PCCA: variants seen among roughly 807,000 people sequenced by gnomAD.
PCCA encodes propionyl-CoA carboxylase alpha chain, mitochondrial.
In PCCA, 74 loss-of-function variants were observed where a neutral mutation model predicts 101.3. The ratio of observed to expected loss-of-function variants is 0.73; its 90% CI spans 0.61 to 0.89. PCCA has a LOEUF of 0.89. Among genes scored for constraint, PCCA ranks in the 40% least tolerant of loss-of-function variants. The probability of loss-of-function intolerance (pLI) is 0.00; values close to 1 mark genes in which losing one functional copy is unlikely to be tolerated. For synonymous variants in PCCA, 294 were observed against 313.6 expected (o/e 0.94, Z 0.66); for missense variants, 891 against 907.0 (o/e 0.98, Z 0.23).
chr13:100,169,005 C>T (rs1195387562), intron 6 of PCCA, among the ~76,000 whole-genome samples: 1 of 152,136 alleles, frequency 6.6e-6, no homozygotes, highest in East Asian at 1.9e-4. Flanking sequence ...GTTTTACAGA[C>T]TGACATTCTA....
At chr13:100,262,260 G>A (rs1445604661) in intron 9 of PCCA, among the ~76,000 whole-genome samples, 4 of 151,992 alleles carry the variant, frequency 2.6e-5, no homozygotes, top group Non-Finnish European at 5.9e-5. Flanking sequence ...GGGCGTGGTG[G>A]CACACACCTG....
At chr13:100,100,073 T>C (rs902848937) in intron 1 of PCCA, among the ~76,000 whole-genome samples, 3 of 152,208 alleles carry the variant, frequency 2.0e-5, no homozygotes, top group Non-Finnish European at 2.9e-5. Flanking sequence ...TTTGGCACTT[T>C]ACTGTTTATA....
chr13:100,311,217 A>T (rs776401810), intron 16 of PCCA, among the ~76,000 whole-genome samples: 7 of 151,220 alleles, frequency 4.6e-5, no homozygotes, highest in Non-Finnish European at 7.4e-5. Flanking sequence ...TAGGTGACAG[A>T]GTGAGAGTCC....
At chr13:100,234,226 A>G (rs2060650780) in intron 7 of PCCA, among the ~76,000 whole-genome samples, 1 of 152,206 alleles carries the variant, frequency 6.6e-6, no homozygotes, top group African/African-American at 2.4e-5. Context: ...AATAACTGTC[A>G]CTGGCTGGAA....
At chr13:100,514,018 C>T (rs971972449) in intron 21 of PCCA, among the ~76,000 whole-genome samples, 1 of 152,336 alleles carries the variant, frequency 6.6e-6, no homozygotes, top group Middle Eastern at 3.4e-3. Context: ...AATAGTCCCT[C>T]TGCCCAGAAT....
chr13:100,146,588 A>G (rs922911770), intron 4 of PCCA, among the ~76,000 whole-genome samples: 1 of 152,000 alleles, frequency 6.6e-6, no homozygotes, highest in Non-Finnish European at 1.5e-5. Flanking sequence ...AAAAAAAAAA[A>G]ATGGTTAATA....
chr13:100,384,890 C>G (rs2076416342), intron 19 of PCCA, among the ~76,000 whole-genome samples: 1 of 151,958 alleles, frequency 6.6e-6, no homozygotes. Context: ...TAATAAAGGA[C>G]TATAATTCTA....
At chr13:100,107,870 T>G (rs1441949897) in intron 2 of PCCA, among the ~76,000 whole-genome samples, 1 of 152,226 alleles carries the variant, frequency 6.6e-6, no homozygotes, top group African/African-American at 2.4e-5. Flanking sequence ...TGTCGGCTGC[T>G]TAATGTCCTT....
chr13:100,349,935 G>C (rs2073056987), intron 18 of PCCA, among the ~76,000 whole-genome samples: 1 of 152,150 alleles, frequency 6.6e-6, no homozygotes, highest in African/African-American at 2.4e-5. Context: ...ATAAAATGGA[G>C]AATCGATTTT....
In PCCA at chr13:100,261,955, G is replaced by A. The variant is rs140411916; in HGVS notation, c.717-774G>A. 1.0e-2 allele frequency among the ~76,000 whole-genome samples: 1,521 copies of A among 152,200 alleles called. 78 individuals are homozygous for A. Among genetic ancestry groups the A allele is most frequent in the Admixed American group, 0.087 (1,324 of 15,300 alleles). On this transcript the variant is annotated intron_variant, in intron 9 of 23. Transcript: ENST00000376285. The stretch of plus-strand genomic sequence containing the variant: ...CTGTAGTTCCACTCCAGTCATGCAG[G>A]TGACTAGACCCTTTACATTTTTCTT...
chr13:100,192,115 C>T (rs1369492785), intron 6 of PCCA, among the ~76,000 whole-genome samples: 1 of 152,134 alleles, frequency 6.6e-6, no homozygotes, highest in Admixed American at 6.5e-5. Context: ...ATTATTTATG[C>T]AGTTGATAAT....
At position 100,281,115 on chromosome 13, in the gene PCCA, C is replaced by A. The variant is rs1156403637; in HGVS notation, c.1065+7769C>A. On this transcript the variant is annotated intron_variant, in intron 12 of 23. Transcript: ENST00000376285. ...CTACTTTATTTCATAATGGCCCCAG[C>A]ATACAAGAGTAGTGTTGCTGGCAAT... Among the ~76,000 whole-genome samples, 3 of 152,172 alleles carry A rather than the reference C, an allele frequency of 2.0e-5. No individual in the cohort carries two copies. The East Asian group carries it at 5.8e-4, about 29-fold the overall frequency.
intron 1 of PCCA, among the ~76,000 whole-genome samples, chr13:100,090,304 G>T (rs1051193342): frequency 1.3e-5 from 2 of 152,156 alleles, no homozygotes; most frequent in African/African-American, 4.8e-5. Flanking sequence ...CCAATTCAGC[G>T]TGCGGACTTT....
At chr13:100,180,108 T>C (rs2056651812) in intron 6 of PCCA, among the ~76,000 whole-genome samples, 1 of 152,160 alleles carries the variant, frequency 6.6e-6, no homozygotes, top group African/African-American at 2.4e-5. Flanking sequence ...GGAGGAGTTT[T>C]AAGCATGTGG....
chr13:100,342,255 C>A (rs2071481833), intron 18 of PCCA, among the ~76,000 whole-genome samples: 1 of 151,746 alleles, frequency 6.6e-6, no homozygotes, highest in South Asian at 2.1e-4. Context: ...ACACTTCTTA[C>A]CTGTACAGTT....
intron 21 of PCCA, among the ~76,000 whole-genome samples, chr13:100,486,819 C>G (rs1244796385): frequency 6.6e-6 from 1 of 152,100 alleles, no homozygotes; most frequent in Non-Finnish European, 1.5e-5. Flanking sequence ...CTCAAGAGGC[C>G]GTGGTGGCAG....
chr13:100,441,912 G>A (rs1566312180), intron 20 of PCCA, among the ~76,000 whole-genome samples: 1 of 151,778 alleles, frequency 6.6e-6, no homozygotes, highest in Non-Finnish European at 1.5e-5. Flanking sequence ...TGCTAGGGAA[G>A]ATTGAAATAA....
intron 21 of PCCA, among the ~76,000 whole-genome samples, chr13:100,485,833 C>A (rs573860627): frequency 5.3e-5 from 8 of 152,256 alleles, no homozygotes; most frequent in Admixed American, 4.6e-4. Flanking sequence ...GAAATACAGA[C>A]GTTAAATAAT....
chr13:100,528,287 A>G (rs1347466108), intron 23 of PCCA, among the ~76,000 whole-genome samples: 1 of 152,230 alleles, frequency 6.6e-6, no homozygotes, highest in African/African-American at 2.4e-5. Flanking sequence ...TTTCTTGAAG[A>G]TAGAAAAGTC....
Sources: allele counts gnomAD v4.1 joint callset (sites outside exome capture counted in the v4.1 genomes callset), GRCh38; gene constraint gnomAD v4.1.1; transcripts MANE v1.5; gene names NCBI Gene and HGNC (gene_info 2026-07-23, HGNC 2026-07-21).